TTN: variants seen among roughly 807,000 people sequenced by gnomAD.
The protein encoded by TTN is connectin.
A neutral mutation model predicts 3,223.0 loss-of-function variants in TTN; 1,525 were observed. The ratio of observed to expected loss-of-function variants is 0.47; its 90% confidence interval spans 0.45 to 0.49. The LOEUF is 0.49. Among genes scored for constraint, TTN ranks in the 20% least tolerant of loss-of-function variants. The pLI is 0.00. For missense variants in TTN, 40,786 were observed against 43,424.0 expected (o/e 0.94, Z 5.40); for synonymous variants, 14,094 against 15,161.0 (o/e 0.93, Z 5.17).
At chr2:178,676,649 G>C (rs1479094340) in intron 147 of TTN, among the ~76,000 whole-genome samples, 1 of 148,476 alleles carries the variant, frequency 6.7e-6, no homozygotes, top group Non-Finnish European at 1.5e-5. Context: ...ATAACTTCAG[G>C]CTCAGGTTGG....
chr2:178,586,661 G>A lies in TTN; in HGVS notation c.64240C>T (p.Arg21414Cys), dbSNP rs373478378. The A allele has an allele frequency of 1.9e-6, 3 of 1,613,026 alleles. No homozygotes were observed. Among genetic ancestry groups the A allele is most frequent in the Middle Eastern group, 1.6e-4 (1 of 6,074 alleles). ...TTTACCACTGAGTACTCTGTCCAGC[G>A]ATCTGCAGGCTGCTCTTCTTCTCTG... ...SYREEEQPAD[R>C]WTEYSVVKDL... The change falls in exon 308 of 363, where the codon CGC (arginine) becomes TGC (cysteine). Residue 21414 changes from arginine to cysteine, a missense_variant. Physicochemically the swap from Arg to Cys is radical, Grantham distance 180. Coordinates refer to ENST00000589042, the MANE Select transcript of TTN (RefSeq NM_001267550.2).
rs1444362560 is a variant in TTN at position 178,583,401 on chromosome 2, A to T, written c.65576-174T>A. On this transcript the variant is annotated intron_variant, in intron 312 of 362. Coordinates refer to ENST00000589042, the MANE Select transcript of TTN (RefSeq NM_001267550.2). Reference sequence around the variant, plus strand: ...AACTGCACTATTGAATAACTATTGAAATTATATAGTTGCCACAGTTGTGTA... The same window carrying T: ...AACTGCACTATTGAATAACTATTGATATTATATAGTTGCCACAGTTGTGTA... 5 of 838,934 alleles carry T rather than the reference A, an allele frequency of 6.0e-6. No homozygotes were observed. The East Asian group carries it at 1.4e-4, about 24-fold the overall frequency. 52.0% of individuals were successfully genotyped at this position (838,934 alleles called of 1,614,324 possible).
At position 178,575,953 on chromosome 2, in the gene TTN, A is replaced by C. The variant is rs1040909022; in HGVS notation, c.70179T>G (p.Asn23393Lys). ...TAATCAGAAGAGTAAATGATTCCGT[A>C]TTTTCAATGTTGGCTCGGTTTTTCA... ...INLKNRANIE[N>K]TESFTLLIIP... is the part of the protein sequence containing the mutation. The change falls in exon 326 of 363, where the codon AAT becomes AAG. Residue 23393 changes from asparagine (N) to lysine (K), a missense_variant. Transcript: ENST00000589042. The surrounding 1 kb of genome is among the most constrained non-coding windows in gnomAD (Gnocchi z 4.0). The C allele has an allele frequency of 6.2e-7, 1 of 1,611,618 alleles. No homozygotes were observed. Among genetic ancestry groups the C allele is most frequent in the South Asian group, 1.1e-5 (1 of 91,014 alleles).
Position 178,640,556 on chromosome 2 carries a change from G to T in TTN, c.40708C>A (p.Pro13570Thr), listed in dbSNP as rs923382524. ...PTVTKRERKI[P>T]EPTKVPEIKP... ...AGATTTGTACCTTTTGTTGGTTCAGGAATCTTCCTTTCCCTTTTTGTAACA... is the reference window on the plus strand; with the variant it reads ...AGATTTGTACCTTTTGTTGGTTCAGTAATCTTCCTTTCCCTTTTTGTAACA... Residue 13570 changes from proline to threonine, a missense_variant, in exon 221 of 363, where the codon CCT (proline) becomes ACT (threonine). Physicochemically the swap from Pro to Thr is conservative, Grantham distance 38 (BLOSUM62 -1). Coordinates refer to ENST00000589042, the MANE Select transcript of TTN (RefSeq NM_001267550.2). 3 of 1,603,118 alleles carry T rather than the reference G, an allele frequency of 1.9e-6. No homozygotes were observed. Among genetic ancestry groups the T allele is most frequent in the South Asian group, 1.1e-5 (1 of 89,436 alleles).
At position 178,575,398 on chromosome 2, in the gene TTN, C is replaced by T. The variant is rs1342674248; in HGVS notation, c.70734G>A (p.Gln23578=). The part of the protein sequence containing the change: ...VIEAQRKGSD[Q]WTHITTVKGL... ...CTTTCACGGTTGTGATGTGGGTCCA[C>T]TGGTCAGAGCCTTTTCTTTGGGCTT... Residue 23578 remains glutamine (Q), a synonymous_variant, in exon 326 of 363, where the codon CAG becomes CAA. Coordinates refer to ENST00000589042, the MANE Select transcript of TTN (RefSeq NM_001267550.2). The surrounding 1 kb of genome is among the most constrained non-coding windows in gnomAD (Gnocchi z 4.0). 6.2e-7 allele frequency: 1 copy of T among 1,613,500 alleles called. No individual in the cohort carries two copies. The highest frequency in any genetic ancestry group is 8.5e-7 in the Non-Finnish European group (1 of 1,179,674).
In TTN at chr2:178,554,711, C is replaced by T. The variant is rs758393823; in HGVS notation, c.88636G>A (p.Val29546Ile). The T allele has an allele frequency of 6.8e-6, 11 of 1,613,904 alleles. No homozygotes were observed. Among genetic ancestry groups the T allele is most frequent in the East Asian group, 4.5e-5 (2 of 44,876 alleles). The change falls in exon 332 of 363, where the codon GTA (valine) becomes ATA (isoleucine). Residue 29546 changes from valine to isoleucine, a missense_variant. Coordinates refer to ENST00000589042, the MANE Select transcript of TTN (RefSeq NM_001267550.2). ...AGAAGGGTGATCTTCTCAGCAGTTA[C>T]AGTCTTAAATTCAATTGGTCCACCA... ...PPGGPIEFKTVTAEKITLLWR... is the reference protein window; with the variant it reads ...PPGGPIEFKTITAEKITLLWR...
intron 3 of TTN, among the ~76,000 whole-genome samples, chr2:178,801,685 T>A (rs548851742): frequency 6.6e-6 from 1 of 152,310 alleles, no homozygotes; most frequent in Admixed American, 6.5e-5. Flanking sequence ...AACAAGCATT[T>A]ATTTTCTTCT....
chr2:178,693,726 T>C, intron 118 of TTN, 37 bp from the exon 119 acceptor site: 1 of 1,460,078 alleles, frequency 6.8e-7, no homozygotes, highest in Non-Finnish European at 9.4e-7. Context: ...TGATATGCCA[T>C]GTTGTGGGTG....
At position 178,568,847 on chromosome 2, in the gene TTN, G is replaced by A; in HGVS notation, c.77285C>T (p.Thr25762Ile). 1 of 1,613,090 alleles carries A rather than the reference G, an allele frequency of 6.2e-7. No homozygotes were observed. The highest frequency in any genetic ancestry group is 1.1e-5 in the South Asian group (1 of 91,048). The change falls in exon 326 of 363, where the codon ACT becomes ATT. Residue 25762 changes from threonine to isoleucine, a missense_variant. Physicochemically the swap from Thr to Ile is moderately conservative, Grantham distance 89 (BLOSUM62 -1). Transcript: ENST00000589042. Reference protein sequence around the residue: ...KSLQAVITNLTQGEEYLFRVV... With the variant: ...KSLQAVITNLIQGEEYLFRVV... ...TCTAAAAAGATATTCTTCCCCTTGAGTTAGGTTGGTAATTACTGCCTGAAG... is the reference window on the plus strand; with the variant it reads ...TCTAAAAAGATATTCTTCCCCTTGAATTAGGTTGGTAATTACTGCCTGAAG...
rs2074927897 is a variant in TTN at position 178,701,278 on chromosome 2, C to T, written c.30599-75G>A. The T allele has an allele frequency of 4.4e-6, 6 of 1,360,596 alleles. No individual in the cohort carries two copies. In the South Asian group the frequency reaches 8.3e-5, roughly 19 times the overall value. 84.3% of individuals were successfully genotyped at this position (1,360,596 alleles called of 1,614,324 possible). A position where few individuals can be genotyped will look rare whatever the true frequency, so the allele number is the denominator to read the frequency against. ...GTAAAATATAATGAAAAGTCTCATG[C>T]ATTTCTTTCAGTACTTCATAGGTAT... On this transcript the variant is annotated intron_variant, in intron 110 of 362. Coordinates refer to ENST00000589042, the MANE Select transcript of TTN (RefSeq NM_001267550.2).
In TTN at chr2:178,597,658, T is replaced by C; in HGVS notation, c.57424A>G (p.Thr19142Ala). The C allele has an allele frequency of 6.2e-7, 1 of 1,613,138 alleles. No individual in the cohort carries two copies. Among genetic ancestry groups the C allele is most frequent in the Non-Finnish European group, 8.5e-7 (1 of 1,179,518 alleles). ...TLPQEATIET[T>A]AISSSMVIKN... ...ATGACCATGGATGAGCTAATGGCTG[T>C]GGTCTCAATGGTGGCTTCTTGAGGT... Residue 19142 changes from threonine (T) to alanine (A), a missense_variant, in exon 294 of 363, where the codon ACA (threonine) becomes GCA (alanine). Physicochemically the swap from Thr to Ala is moderately conservative, Grantham distance 58. Transcript: ENST00000589042.
intron 227 of TTN, 64 bp from the exon 228 acceptor site, chr2:178,635,368 G>A: frequency 1.9e-6 from 3 of 1,604,952 alleles, no homozygotes; most frequent in Non-Finnish European, 1.7e-6. Flanking sequence ...TTGCTTTTAT[G>A]TGTTTTGGTG....
chr2:178,740,319 A>G lies in TTN; in HGVS notation c.12914T>C (p.Ile4305Thr). The stretch of plus-strand genomic sequence containing the variant: ...ATTTTCCAGTGGATTTGCACTTTCT[A>G]TCAAAATTTTACCTCCTTCTGTGCA... ...HSCTEGGKILIESANPLENAG... is the reference protein window; with the variant it reads ...HSCTEGGKILTESANPLENAG... Residue 4305 changes from isoleucine (I) to threonine (T), a missense_variant, in exon 48 of 363, where the codon ATA becomes ACA. Ile to Thr is a moderately conservative substitution (Grantham distance 89). Transcript: ENST00000589042. 1 of 1,613,702 alleles carries G rather than the reference A, an allele frequency of 6.2e-7. No homozygotes were observed. The highest frequency in any genetic ancestry group is 1.1e-5 in the South Asian group (1 of 91,080).
intron 330 of TTN, 120 bp from the exon 331 acceptor site, chr2:178,555,272 A>C: frequency 1.1e-6 from 1 of 906,264 alleles, no homozygotes; most frequent in Non-Finnish European, 1.6e-6. Context: ...CACCATCATT[A>C]TAATTCTATG....
At position 178,592,637 on chromosome 2, in the gene TTN, CATCAAGA is replaced by C; in HGVS notation, c.59361_59367del (p.Ile19787MetfsTer16). 1 of 1,613,146 alleles carries C rather than the reference CATCAAGA, an allele frequency of 6.2e-7. No homozygotes were observed. Among genetic ancestry groups the C allele is most frequent in the Non-Finnish European group, 8.5e-7 (1 of 1,179,480 alleles). ...ATGTGTTGTTCTCTTGCCATGTTGG[CATCAAGA>C]ATCAACTCAGGGGGTTCTAGAATAA... On this transcript the variant is annotated frameshift_variant, in exon 301 of 363. Transcript: ENST00000589042. LOFTEE classifies it high-confidence loss of function.
In TTN at chr2:178,734,601, G is replaced by A; in HGVS notation, c.15223C>T (p.Pro5075Ser). Residue 5075 changes from proline to serine, a missense_variant, in exon 52 of 363, where the codon CCT becomes TCT. Coordinates refer to ENST00000589042, the MANE Select transcript of TTN (RefSeq NM_001267550.2). ...CSTEIVIKEP[P>S]SFIKTLEPAD... ...GGCTCAAGAGTTTTGATGAAAGAAG[G>A]AGGTTCTACAAAAGCATGAAAGCAT... The A allele has an allele frequency of 6.4e-7, 1 of 1,565,452 alleles. No individual in the cohort carries two copies. Among genetic ancestry groups the A allele is most frequent in the Non-Finnish European group, 8.6e-7 (1 of 1,156,874 alleles).
In TTN at chr2:178,621,627, C is replaced by T. The variant is rs746860214; in HGVS notation, c.45197G>A (p.Gly15066Glu). Residue 15066 changes from glycine (G) to glutamate (E), a missense_variant, in exon 245 of 363, where the codon GGG (glycine) becomes GAG (glutamate). Physicochemically the swap from Gly to Glu is moderately conservative, Grantham distance 98 (BLOSUM62 -2). Transcript: ENST00000589042. ...KPGAEVIWYK[G>E]DEEIIETGRY... ...TCCTGTTTCAATGATCTCCTCATCCCCTTTATACCAAATCACTTCTGCGCC... is the reference window on the plus strand; with the variant it reads ...TCCTGTTTCAATGATCTCCTCATCCTCTTTATACCAAATCACTTCTGCGCC... The T allele has an allele frequency of 1.9e-6, 3 of 1,612,366 alleles. No individual in the cohort carries two copies. The African/African-American group carries it at 4.0e-5, about 22-fold the overall frequency.
chr2:178,794,462 A>C lies in TTN; in HGVS notation c.1335T>G (p.Ala445=). ...MARVREPVIS[A]VEQTAQRTTT... ...TTGTCCTCTGAGCAGTCTGCTCTAC[A>C]GCGCTGATCACTGGTTCTCTCACTC... The change falls in exon 8 of 363, where the codon GCT becomes GCG. Residue 445 remains alanine (A), a synonymous_variant. Transcript: ENST00000589042. 6.2e-7 allele frequency: 1 copy of C among 1,614,214 alleles called. No individual in the cohort carries two copies. The highest frequency in any genetic ancestry group is 2.2e-5 in the East Asian group (1 of 44,884).
rs776272431 is a variant in TTN, at chr2:178,584,682, C to T, written c.64959G>A (p.Ala21653=). The change falls in exon 310 of 363, where the codon GCG becomes GCA. Residue 21653 remains alanine (A), a synonymous_variant. Transcript: ENST00000589042. The stretch of plus-strand genomic sequence containing the variant: ...ACAAAAACATACCAAATGGGAACTG[C>T]GCAACCATCTTTGGAGATGTGAGAG... ...SEPLTSPKMV[A]QFPFGVPSEP... 25 of 1,613,230 alleles carry T rather than the reference C, an allele frequency of 1.5e-5. No individual in the cohort carries two copies. The highest frequency in any genetic ancestry group is 3.3e-4 in the Middle Eastern group (2 of 6,076).
Sources: gnomAD v4.1 joint callset for allele counts (sites outside exome capture counted in the v4.1 genomes callset) on GRCh38, gnomAD v4.1.1 for gene constraint, Gnocchi (gnomAD v3.1) non-coding constraint, MANE v1.5 for transcripts, NCBI Gene and HGNC (gene_info 2026-07-23, HGNC 2026-07-21) for gene names.